Variants in LIN37 observed in about 807,000 individuals in gnomAD.
LIN37 encodes the protein protein lin-37 homolog.
LIN37 carries 21 observed loss-of-function variants against 38.0 expected under a neutral mutation model. The observed-to-expected ratio is 0.55, with a 90% CI of 0.39 to 0.80. LIN37 has a LOEUF of 0.80. Ranked by LOEUF, LIN37 falls within the 30% of genes least tolerant of loss-of-function variation. The pLI is 0.00. For missense variants in LIN37, 273 were observed against 338.5 expected (o/e 0.81, Z 1.52); for synonymous variants, 126 against 122.9 (o/e 1.03, Z -0.17).
At chr19:35,748,793 A>G (rs1462883333) in intron 1 of LIN37, 35 bp downstream of exon 1, 9 of 1,613,660 alleles carry the variant, frequency 5.6e-6, no homozygotes, top group Non-Finnish European at 7.6e-6. Flanking sequence ...TGTCGGGACC[A>G]TCGGGTTGAC....
At chr19:35,748,861 C>T in intron 1 of LIN37, 103 bp downstream of exon 1, 1 of 1,601,352 alleles carries the variant, frequency 6.2e-7, no homozygotes, top group Admixed American at 1.7e-5. Flanking sequence ...ACGACTTTTC[C>T]CTGAAGCCCA....
At position 35,753,179 on chromosome 19, in the gene LIN37, C is replaced by A; in HGVS notation, c.370C>A (p.Arg124Ser). Residue 124 changes from arginine to serine, a missense_variant, in exon 6 of 9, where the codon CGC becomes AGC. By Grantham distance (110) the Arg-to-Ser change is moderately radical. Transcript: ENST00000301159. ...PLYPICRAWM[R>S]NSPSVREREC... is the part of the protein sequence containing the mutation. ...GTACCCAATCTGCCGCGCCTGGATGCGCAACAGCCCCTCTGTGCGCGAGCG... is the reference window on the plus strand; with the variant it reads ...GTACCCAATCTGCCGCGCCTGGATGAGCAACAGCCCCTCTGTGCGCGAGCG... 6.3e-7 allele frequency: 1 copy of A among 1,582,512 alleles called. No homozygotes were observed. The highest frequency in any genetic ancestry group is 8.6e-7 in the Non-Finnish European group (1 of 1,164,860).
At chr19:35,753,365 C>A in intron 6 of LIN37, 112 bp downstream of exon 6, 1 of 1,267,602 alleles carries the variant, frequency 7.9e-7, no homozygotes, top group Non-Finnish European at 1.1e-6. Flanking sequence ...AGGTCCCTCA[C>A]GTGAATCCTG....
At chr19:35,753,545 G>A (rs1257250850) in intron 6 of LIN37, 1 of 551,522 alleles carries the variant, frequency 1.8e-6, no homozygotes, top group Non-Finnish European at 3.3e-6. Context: ...GGCTAGACAA[G>A]GGTCCTTAGT....
intron 1 of LIN37, among the ~76,000 whole-genome samples, chr19:35,749,619 C>T (rs547175956): frequency 6.9e-6 from 1 of 145,584 alleles, no homozygotes; most frequent in African/African-American, 2.6e-5. Flanking sequence ...CATAGCGAAA[C>T]GCTGTCTCTA....
Position 35,748,646 on chromosome 19 carries a change from G to A in LIN37, c.-79G>A. On this transcript the variant is annotated 5_prime_UTR_variant, in exon 1 of 9. Transcript: ENST00000301159. ...CGAAGCTCATCTTTGAACTGTCCCC[G>A]CCTTCTCCCGCCTTGACTTGTGACC... 1 of 1,595,290 alleles carries A rather than the reference G, an allele frequency of 6.3e-7. No individual in the cohort carries two copies. The highest frequency in any genetic ancestry group is 1.1e-5 in the South Asian group (1 of 90,704).
intron 1 of LIN37, 163 bp downstream of exon 1, chr19:35,748,921 C>T: frequency 1.3e-6 from 2 of 1,529,828 alleles, no homozygotes; most frequent in Non-Finnish European, 1.8e-6. Context: ...ACCTTCACAC[C>T]CTCCCGGTGT....
intron 1 of LIN37, among the ~76,000 whole-genome samples, chr19:35,751,335 CATTA>C (rs1970679696): frequency 6.6e-6 from 1 of 152,120 alleles, no homozygotes; most frequent in Non-Finnish European, 1.5e-5. Context: ...AACAGAAATA[CATTA>C]ATTAATTAAA....
chr19:35,750,058 C>A (rs1458358112), intron 1 of LIN37, among the ~76,000 whole-genome samples: 3 of 151,512 alleles, frequency 2.0e-5, no homozygotes, highest in Non-Finnish European at 4.4e-5. Context: ...GGCAGGGAGC[C>A]AAGGGGGAGC....
intron 1 of LIN37, among the ~76,000 whole-genome samples, chr19:35,750,171 G>C (rs547222608): frequency 3.9e-5 from 6 of 152,074 alleles, no homozygotes; most frequent in Non-Finnish European, 7.4e-5. Context: ...GGGTAGGGGA[G>C]GGAGAGGGGT....
intron 3 of LIN37, 102 bp downstream of exon 3, chr19:35,752,586 C>A: frequency 1.5e-6 from 2 of 1,347,988 alleles, no homozygotes; most frequent in Non-Finnish European, 2.1e-6. Flanking sequence ...TCCATCGTGG[C>A]CCGGACCACT....
chr19:35,752,750 T>G, intron 3 of LIN37, 54 bp from the exon 4 acceptor site: 1 of 1,594,020 alleles, frequency 6.3e-7, no homozygotes, highest in Non-Finnish European at 8.5e-7. Flanking sequence ...CAGGGTGCCC[T>G]CTGCAGGGTT....
chr19:35,753,980 C>A, intron 6 of LIN37, 37 bp from the exon 7 acceptor site: 1 of 1,597,610 alleles, frequency 6.3e-7, no homozygotes, highest in Non-Finnish European at 8.6e-7. Context: ...TCTGCTTTGA[C>A]TCTCTTGGGC....
rs774647309 is a variant in LIN37 at position 35,752,822 on chromosome 19, C to T, written c.180C>T (p.Ala60=). Residue 60 remains alanine, a synonymous_variant, in exon 4 of 9, where the codon GCC becomes GCT. Transcript: ENST00000301159. ...CCCACAGGGACTGCTCCATCGCAGC[C>T]ACTGGCAAAAGGTAAGGTGGCAGGG... ...DTHNKDCSIA[A]TGKRPSARFP... The T allele has an allele frequency of 1.9e-6, 3 of 1,609,112 alleles. No individual in the cohort carries two copies. Among genetic ancestry groups the T allele is most frequent in the South Asian group, 1.1e-5 (1 of 90,092 alleles).
Position 35,752,485 on chromosome 19 carries a change from G to C in LIN37, c.161+1G>C. 6.2e-7 allele frequency: 1 copy of C among 1,613,968 alleles called. No individual in the cohort carries two copies. ...AAACACCCTCAGACACCCACAATAA[G>C]TGAGTTTTTCTGATTGGATTTGGAG... On this transcript the variant is annotated splice_donor_variant, in intron 3 of 8. Coordinates refer to ENST00000301159, the MANE Select transcript of LIN37 (RefSeq NM_019104.3). LOFTEE classifies it high-confidence loss of function.
intron 6 of LIN37, 31 bp from the exon 7 acceptor site, chr19:35,753,984 CTT>C: frequency 6.2e-7 from 1 of 1,606,486 alleles, no homozygotes; most frequent in Non-Finnish European, 8.5e-7. Flanking sequence ...CTTTGACTCT[CTT>C]GGGCCTGGCA....
At chr19:35,751,099 A>G (rs1970676526) in intron 1 of LIN37, among the ~76,000 whole-genome samples, 1 of 151,988 alleles carries the variant, frequency 6.6e-6, no homozygotes. Context: ...AGGCCAGCAG[A>G]TCACTGAGGT....
In LIN37 at chr19:35,754,420, G is replaced by C. The variant is rs1347435395; in HGVS notation, c.687G>C (p.Gln229His). ...QRWKEASHRN[Q>H]LRYSESMKIL... is the part of the protein sequence containing the mutation. ...GGAAGGAGGCCTCTCATCGGAACCA[G>C]CTTCGTTACTCAGAAAGCATGAAGA... is the stretch of plus-strand genomic sequence containing the variant. The change falls in exon 9 of 9, where the codon CAG becomes CAC. Residue 229 changes from glutamine to histidine, a missense_variant. Coordinates refer to ENST00000301159, the MANE Select transcript of LIN37 (RefSeq NM_019104.3). The C allele has an allele frequency of 1.2e-6, 2 of 1,614,050 alleles. No individual in the cohort carries two copies. Among genetic ancestry groups the C allele is most frequent in the Non-Finnish European group, 1.7e-6 (2 of 1,179,900 alleles).
Position 35,754,175 on chromosome 19 carries a change from GC to G in LIN37, c.585+21del. The G allele has an allele frequency of 1.2e-6, 2 of 1,613,966 alleles. No homozygotes were observed. The highest frequency in any genetic ancestry group is 4.5e-5 in the East Asian group (2 of 44,886). On this transcript the variant is annotated intron_variant, in intron 7 of 8. Transcript: ENST00000301159. ...ACGATGAGGTGAGTATGCCAGGCTG[GC>G]CCAGGGTTATGGGGCACATGCGGTA...
Sources: allele counts gnomAD v4.1 joint callset (sites outside exome capture counted in the v4.1 genomes callset), GRCh38; gene constraint gnomAD v4.1.1; transcripts MANE v1.5; gene names NCBI Gene and HGNC (gene_info 2026-07-23, HGNC 2026-07-21).